The following MYPN variants were observed in gnomAD, a reference collection of about 807,000 sequenced individuals.
The protein encoded by MYPN is sarcomeric protein myopalladin, 145 kDa (MYOP).
In MYPN, 63 loss-of-function variants were observed where a neutral mutation model predicts 129.4. That is an observed-to-expected ratio of 0.49 (90% confidence interval 0.40 to 0.60). MYPN has a LOEUF of 0.60. Among genes scored for constraint, MYPN ranks in the 20% least tolerant of loss-of-function variants. The probability of loss-of-function intolerance (pLI) is 0.00; values close to 1 mark genes in which losing one functional copy is unlikely to be tolerated. For synonymous variants in MYPN, 629 were observed against 600.9 expected, an observed-to-expected ratio of 1.05 and a Z score of -0.68; for missense variants, 1,596 against 1,635.4, an observed-to-expected ratio of 0.98 and a Z score of 0.42.
chr10:68,103,574 G>C (rs551730985), upstream of MYPN, among the ~76,000 whole-genome samples: 2 of 152,154 alleles, frequency 1.3e-5, no homozygotes, highest in Non-Finnish European at 2.9e-5. Flanking sequence ...AGTGAGTTCT[G>C]ATTTTTGAAC....
chr10:68,149,340 T>C (rs1278073785), intron 5 of MYPN, among the ~76,000 whole-genome samples: 2 of 152,380 alleles, frequency 1.3e-5, no homozygotes, highest in Non-Finnish European at 2.9e-5. Flanking sequence ...CCAGGCATTG[T>C]CTATGCATAT....
chr10:68,149,472 A>T (rs1387884570), intron 5 of MYPN, among the ~76,000 whole-genome samples: 3 of 151,902 alleles, frequency 2.0e-5, no homozygotes, highest in Non-Finnish European at 4.4e-5. Context: ...GTTTTTCAAA[A>T]AATTATTTGT....
intron 16 of MYPN, among the ~76,000 whole-genome samples, chr10:68,198,193 G>A (rs7922742): frequency 0.98 from 149,890 of 152,284 alleles, 73,816 homozygotes; most frequent in Middle Eastern, 1. Flanking sequence ...GTGTCTGGAA[G>A]GCCTTTATTA....
chr10:68,197,870 G>A (rs921342357), intron 16 of MYPN, among the ~76,000 whole-genome samples: 1 of 152,026 alleles, frequency 6.6e-6, no homozygotes, highest in East Asian at 1.9e-4. Context: ...TGATAACCAA[G>A]ACAGCTACTA....
Position 68,122,096 on chromosome 10 carries a change from A to C in MYPN, c.658A>C (p.Arg220=). The change falls in exon 2 of 20, where the codon AGG becomes CGG. Residue 220 remains arginine, a synonymous_variant. Coordinates refer to ENST00000358913, the MANE Select transcript of MYPN (RefSeq NM_032578.4). ...TCCCATCCCTATCCCTGCGGATACC[A>C]GGGATAATGAAGTGAATCACGCCCT... ...SVPIPIPADT[R]DNEVNHALEQ... The C allele has an allele frequency of 6.2e-7, 1 of 1,614,218 alleles. No individual in the cohort carries two copies. Among genetic ancestry groups the C allele is most frequent in the Non-Finnish European group, 8.5e-7 (1 of 1,180,044 alleles).
intron 1 of MYPN, among the ~76,000 whole-genome samples, chr10:68,116,940 C>A (rs1274191545): frequency 6.6e-6 from 1 of 152,208 alleles, no homozygotes. Flanking sequence ...GAAAGATAGG[C>A]CGGACATGGT....
At chr10:68,098,345 T>C (rs2041966955) in intron 1 of MYPN, among the ~76,000 whole-genome samples, 2 of 152,230 alleles carry the variant, frequency 1.3e-5, no homozygotes, top group African/African-American at 4.8e-5. Context: ...AAACGTTCTC[T>C]GCCCTTCACT....
chr10:68,160,060 A>T (rs531581946), intron 7 of MYPN, among the ~76,000 whole-genome samples: 1 of 152,076 alleles, frequency 6.6e-6, no homozygotes, highest in Non-Finnish European at 1.5e-5. Flanking sequence ...AATCAGAGCT[A>T]CTCTCAGGTT....
At chr10:68,162,900 G>A (rs1411944400) in intron 8 of MYPN, among the ~76,000 whole-genome samples, 2 of 152,210 alleles carry the variant, frequency 1.3e-5, no homozygotes, top group Admixed American at 6.5e-5. Context: ...TCATGGGACA[G>A]GGAGATGAAG....
rs760477470 is a variant in MYPN, at chr10:68,174,073, A to T, written c.1981A>T (p.Thr661Ser). 5 of 1,612,496 alleles carry T rather than the reference A, an allele frequency of 3.1e-6. 1 individual carries two copies. In the South Asian group the frequency reaches 5.5e-5, roughly 18 times the overall value. ...CCCTTGTTTTGTGTACAGTGATTCC[A>T]CTCAGTTACAACAGCTTCATAACCA... ...PVLAKPKLDSTQLQQLHNQVL... is the reference protein window; with the variant it reads ...PVLAKPKLDSSQLQQLHNQVL... Residue 661 changes from threonine (T) to serine (S), a missense_variant, in exon 11 of 20, where the codon ACT becomes TCT. By Grantham distance (58) the Thr-to-Ser change is moderately conservative. Transcript: ENST00000358913.
At chr10:68,162,286 T>C (rs937386331) in intron 8 of MYPN, 1 of 152,092 alleles carries the variant, frequency 6.6e-6, no homozygotes, top group African/African-American at 2.4e-5. Context: ...ATGCAGCTGG[T>C]TCTTGGTTAT....
chr10:68,140,051 G>A (rs915898868), intron 2 of MYPN, among the ~76,000 whole-genome samples: 13 of 152,202 alleles, frequency 8.5e-5, no homozygotes, highest in Admixed American at 2.0e-4. Context: ...GTCAGGGAGG[G>A]CCTCTCTGAG....
At chr10:68,109,022 A>G (rs1277380771), upstream of MYPN, among the ~76,000 whole-genome samples, 1 of 152,154 alleles carries the variant, frequency 6.6e-6, no homozygotes, top group Non-Finnish European at 1.5e-5. Flanking sequence ...CGCCCAGCCA[A>G]GGAATTTTTA....
chr10:68,113,132 A>G (rs2042104152), intron 1 of MYPN, among the ~76,000 whole-genome samples: 1 of 152,254 alleles, frequency 6.6e-6, no homozygotes, highest in African/African-American at 2.4e-5. Context: ...CACCAGCAAA[A>G]GGTCACCTCA....
intron 1 of MYPN, among the ~76,000 whole-genome samples, chr10:68,100,641 C>T (rs541386856): frequency 1.3e-5 from 2 of 152,206 alleles, no homozygotes; most frequent in African/African-American, 2.4e-5. Flanking sequence ...AGTAGTAAGC[C>T]GGTTTAGAAG....
At chr10:68,167,728 A>G (rs770342350) in intron 10 of MYPN, among the ~76,000 whole-genome samples, 13 of 152,226 alleles carry the variant, frequency 8.5e-5, no homozygotes, top group Non-Finnish European at 1.5e-4. Context: ...TCACCACTAT[A>G]TAAGGCAAAA....
chr10:68,183,437 G>A (rs10997993), intron 12 of MYPN, among the ~76,000 whole-genome samples: 1,996 of 152,148 alleles, frequency 0.013, 50 homozygotes, highest in African/African-American at 0.046. Flanking sequence ...ACTCCAGCCT[G>A]GGCAGTAGAG....
At chr10:68,155,839 G>T (rs1157154472) in intron 6 of MYPN, among the ~76,000 whole-genome samples, 1 of 152,186 alleles carries the variant, frequency 6.6e-6, no homozygotes, top group Non-Finnish European at 1.5e-5. Flanking sequence ...ACTGAGTATT[G>T]ATGATGTGCC....
At chr10:68,144,493 T>G (rs1420383777) in intron 3 of MYPN, among the ~76,000 whole-genome samples, 2 of 152,194 alleles carry the variant, frequency 1.3e-5, no homozygotes, top group Non-Finnish European at 2.9e-5. Flanking sequence ...TAGAAATGTG[T>G]TGTATGTGTA....
Sources: allele counts gnomAD v4.1 joint callset (sites outside exome capture counted in the v4.1 genomes callset), GRCh38; gene constraint gnomAD v4.1.1; transcripts MANE v1.5; gene names NCBI Gene and HGNC (gene_info 2026-07-23, HGNC 2026-07-21).